The following FAM76B variants were observed in gnomAD, a reference collection of about 807,000 sequenced individuals.
FAM76B encodes family with sequence similarity 76 member B, also known as protein FAM76B.
FAM76B carries 16 observed loss-of-function variants against 51.8 expected under a neutral mutation model. The observed-to-expected ratio is 0.31, with a 90% CI of 0.21 to 0.47. FAM76B has a LOEUF of 0.47. FAM76B is among the 20% of genes least tolerant of loss of function. The probability of loss-of-function intolerance (pLI) is 1.00; values close to 1 mark genes in which losing one functional copy is unlikely to be tolerated. For missense variants in FAM76B, 342 were observed against 392.6 expected (o/e 0.87, Z 1.09); for synonymous variants, 166 against 129.5 (o/e 1.28, Z -1.91).
intron 1 of FAM76B, chr11:95,789,140 C>T (rs1314636062): frequency 4.3e-5 from 55 of 1,281,756 alleles, no homozygotes; most frequent in Non-Finnish European, 5.6e-5. Context: ...CCTGAGACCC[C>T]CAGACGCTGA....
At chr11:95,785,420 G>A (rs554039297) in intron 4 of FAM76B, among the ~76,000 whole-genome samples, 1 of 152,294 alleles carries the variant, frequency 6.6e-6, no homozygotes, top group Non-Finnish European at 1.5e-5. Context: ...CAGAAGTACT[G>A]ACTAAACCTC....
At chr11:95,775,820 T>C in intron 9 of FAM76B, 102 bp downstream of exon 9, 1 of 598,422 alleles carries the variant, frequency 1.7e-6, no homozygotes, top group South Asian at 3.8e-5. Context: ...ATGCACCAAC[T>C]ATGCACAAAA....
chr11:95,778,762 G>A (rs1261344184), intron 8 of FAM76B, 60 bp downstream of exon 8: 11 of 1,487,234 alleles, frequency 7.4e-6, no homozygotes, highest in East Asian at 4.8e-5. Flanking sequence ...TAAAATTTGC[G>A]ATTATCAAGC....
intron 6 of FAM76B, 61 bp from the exon 7 acceptor site, chr11:95,779,748 G>A (rs974011680): frequency 3.2e-6 from 5 of 1,577,062 alleles, no homozygotes; most frequent in Non-Finnish European, 4.3e-6. Context: ...CAAATGATAA[G>A]TTATTCATCT....
intron 9 of FAM76B, among the ~76,000 whole-genome samples, chr11:95,775,142 A>G (rs1859940544): frequency 6.6e-6 from 1 of 151,446 alleles, no homozygotes; most frequent in South Asian, 2.1e-4. Flanking sequence ...TTGTTACTAA[A>G]GACTAATTTT....
At chr11:95,787,855 A>T (rs1420461325) in intron 2 of FAM76B, among the ~76,000 whole-genome samples, 177 bp from the exon 3 acceptor site, 2 of 152,250 alleles carry the variant, frequency 1.3e-5, no homozygotes, top group East Asian at 3.8e-4. Context: ...AACTTATGAC[A>T]AATGTTTTTA....
chr11:95,771,717 C>T (rs1859775102), intron 9 of FAM76B, 67 bp from the exon 10 acceptor site: 2 of 1,234,644 alleles, frequency 1.6e-6, no homozygotes, highest in Non-Finnish European at 2.3e-6. Flanking sequence ...CTGAAGAATA[C>T]TACTTATTTA....
rs766614884 is a variant in FAM76B, at chr11:95,789,437, C to A, written c.42G>T (p.Gln14His). ...SALYACTKCT[Q>H]RYPFEELSQG... ...GGGAGAGCTCCTCGAAAGGATAACG[C>A]TGGGTACACTTGGTGCAGGCGTACA... The change falls in exon 1 of 10, where the codon CAG becomes CAT. Residue 14 changes from glutamine (Q) to histidine (H), a missense_variant. Physicochemically the swap from Gln to His is conservative, Grantham distance 24. Around this residue, in one of 3 missense-constraint regions of FAM76B, gnomAD observed 96 missense variants for 94.7 expected, o/e 1.01. Transcript: ENST00000358780. The A allele has an allele frequency of 2.5e-6, 4 of 1,609,990 alleles. No individual in the cohort carries two copies. The Admixed American group carries it at 6.7e-5, about 27-fold the overall frequency.
chr11:95,786,155 T>A lies in FAM76B; in HGVS notation c.327A>T (p.Gln109His). The stretch of plus-strand genomic sequence containing the variant: ...CTTCCTCCTTCCGATCAAAAGCACA[T>A]TGCTGTTTGCACTGTTCACAGGTCT... ...PPQTCEQCKQ[Q>H]CAFDRKEEGR... Residue 109 changes from glutamine (Q) to histidine (H), a missense_variant, in exon 4 of 10, where the codon CAA (glutamine) becomes CAT (histidine). Around this residue, in one of 3 missense-constraint regions of FAM76B, gnomAD observed 16 missense variants for 40.5 expected, o/e 0.40. Coordinates refer to ENST00000358780, the MANE Select transcript of FAM76B (RefSeq NM_144664.5). The A allele has an allele frequency of 6.2e-7, 1 of 1,613,248 alleles. No individual in the cohort carries two copies. Among genetic ancestry groups the A allele is most frequent in the Non-Finnish European group, 8.5e-7 (1 of 1,179,510 alleles).
intron 9 of FAM76B, among the ~76,000 whole-genome samples, chr11:95,774,374 G>A (rs1859905057): frequency 6.6e-6 from 1 of 151,404 alleles, no homozygotes; most frequent in African/African-American, 2.4e-5. Flanking sequence ...CAATTACCAA[G>A]AGGAGGTAGG....
intron 3 of FAM76B, 47 bp from the exon 4 acceptor site, chr11:95,786,321 G>A (rs1565296128): frequency 6.2e-7 from 1 of 1,604,558 alleles, no homozygotes; most frequent in African/African-American, 1.3e-5. Flanking sequence ...TTAAATATTT[G>A]CGGCATAGCA....
chr11:95,788,388 G>C, intron 2 of FAM76B, 111 bp downstream of exon 2: 1 of 913,256 alleles, frequency 1.1e-6, no homozygotes, highest in East Asian at 2.6e-5. Flanking sequence ...AATTTCTGGG[G>C]CTAAACCATT....
intron 4 of FAM76B, among the ~76,000 whole-genome samples, chr11:95,785,453 T>A (rs1860515017): frequency 6.6e-6 from 1 of 152,238 alleles, no homozygotes; most frequent in African/African-American, 2.4e-5. Context: ...CAAGTTTTTA[T>A]CTTCTGTTTG....
rs753932703 is a variant in FAM76B, at chr11:95,775,876, G to A, written c.930+46C>T. 3.8e-6 allele frequency: 5 copies of A among 1,324,770 alleles called. No homozygotes were observed. The South Asian group carries it at 7.1e-5, about 19-fold the overall frequency. The allele number at this position is 1,324,770 out of a possible 1,614,324, so 82.1% of individuals were successfully genotyped here. ...TAAGTCAATGAATGCTATTACTCAAGTTTAGCCCTTCTTGCCTATCATTTT... is the reference window on the plus strand; with the variant it reads ...TAAGTCAATGAATGCTATTACTCAAATTTAGCCCTTCTTGCCTATCATTTT... On this transcript the variant is annotated intron_variant, in intron 9 of 9. Transcript: ENST00000358780.
At chr11:95,787,325 C>T (rs1326537794) in intron 3 of FAM76B, among the ~76,000 whole-genome samples, 1 of 152,174 alleles carries the variant, frequency 6.6e-6, no homozygotes, top group African/African-American at 2.4e-5. Context: ...ACTCCGCCTC[C>T]TGAGTTCACG....
At chr11:95,785,010 G>C (rs1435726535) in intron 4 of FAM76B, among the ~76,000 whole-genome samples, 1 of 152,034 alleles carries the variant, frequency 6.6e-6, no homozygotes, top group Admixed American at 6.6e-5. Flanking sequence ...TATTTCTCTT[G>C]GGCAATGCTT....
chr11:95,788,047 G>C (rs1251623436), intron 2 of FAM76B, among the ~76,000 whole-genome samples: 1 of 152,042 alleles, frequency 6.6e-6, no homozygotes, highest in Non-Finnish European at 1.5e-5. Flanking sequence ...GAAATTATTT[G>C]TTCTTTTCTG....
rs986323003 is a variant in FAM76B, at chr11:95,769,330, A to C, written c.*2231T>G. 3 of 152,344 alleles carry C rather than the reference A, an allele frequency of 2.0e-5. No homozygotes were observed. The Admixed American group carries it at 2.0e-4, about 10-fold the overall frequency. The allele number at this position is 152,344 out of a possible 1,614,324, so 9.4% of individuals were successfully genotyped here. On this transcript the variant is annotated 3_prime_UTR_variant, in exon 10 of 10. Coordinates refer to ENST00000358780, the MANE Select transcript of FAM76B (RefSeq NM_144664.5). Reference sequence around the variant, plus strand: ...TGAATTACTAATTTATACAATTGCAAAAAAATTTAAGTTATAAAATAAGGT... The same window carrying C: ...TGAATTACTAATTTATACAATTGCACAAAAATTTAAGTTATAAAATAAGGT...
At chr11:95,783,805 A>C (rs1342506146) in intron 4 of FAM76B, among the ~76,000 whole-genome samples, 1 of 152,208 alleles carries the variant, frequency 6.6e-6, no homozygotes, top group South Asian at 2.1e-4. Flanking sequence ...ACACATACAC[A>C]AGAGTGGTGA....
Sources: gnomAD v4.1 joint callset for allele counts (sites outside exome capture counted in the v4.1 genomes callset) on GRCh38, gnomAD v4.1.1 for gene constraint, gnomAD v4.1.1 regional missense constraint, MANE v1.5 for transcripts, NCBI Gene and HGNC (gene_info 2026-07-23, HGNC 2026-07-21) for gene names.